Variants in MNS1 observed in about 807,000 individuals in gnomAD.
The protein encoded by MNS1 is meiosis specific nuclear structural 1.
A neutral mutation model predicts 72.0 loss-of-function variants in MNS1; 63 were observed. That is an observed-to-expected ratio of 0.87 (90% confidence interval 0.71 to 1.08). The LOEUF is 1.08. Ranked by LOEUF, MNS1 falls within the 50% of genes least tolerant of loss-of-function variation. The pLI is 0.00. For missense variants in MNS1, 604 were observed against 562.4 expected, an observed-to-expected ratio of 1.07 and a Z score of -0.75; for synonymous variants, 188 against 172.1, an observed-to-expected ratio of 1.09 and a Z score of -0.72.
chr15:56,431,347 T>G (rs2050589960), intron 9 of MNS1, 26 bp downstream of exon 9: 3 of 1,607,118 alleles, frequency 1.9e-6, no homozygotes, highest in Non-Finnish European at 1.7e-6. Flanking sequence ...TCATGAAGAT[T>G]ACAACTTGAG....
Position 56,460,009 on chromosome 15 carries a change from A to AAAAAAAAAAAAAAAT in MNS1, c.226-3489_226-3488insATTTTTTTTTTTTTT. Among the ~76,000 whole-genome samples, 49 of 26,384 alleles carry AAAAAAAAAAAAAAAT rather than the reference A, an allele frequency of 1.9e-3. 14 individuals carry two copies. The highest frequency in any genetic ancestry group is 6.5e-3 in the African/African-American group (43 of 6,650). The allele number at this position is 26,384 out of a possible 152,430, so 17.3% of individuals were successfully genotyped here. On this transcript the variant is annotated intron_variant, in intron 2 of 9. Transcript: ENST00000260453. ...CTGTCTCAAAAAAAAAAAAAAAAAA[A>AAAAAAAAAAAAAAAT]ATACATATATATATATATATATATA... is the stretch of plus-strand genomic sequence containing the variant.
chr15:56,464,462 A>C (rs2051045326), intron 1 of MNS1, among the ~76,000 whole-genome samples: 1 of 152,206 alleles, frequency 6.6e-6, no homozygotes, highest in Non-Finnish European at 1.5e-5. Flanking sequence ...TAGATGAAAC[A>C]TGAAAAGTAA....
At chr15:56,463,919 T>TA in intron 2 of MNS1, 107 bp downstream of exon 2, 1 of 891,666 alleles carries the variant, frequency 1.1e-6, no homozygotes, top group Non-Finnish European at 1.7e-6. Context: ...AGGCATCACT[T>TA]ACCTGCTGCT....
chr15:56,451,962 T>C (rs1184359726), intron 3 of MNS1, among the ~76,000 whole-genome samples: 1 of 152,192 alleles, frequency 6.6e-6, no homozygotes, highest in African/African-American at 2.4e-5. Context: ...TGAAAATCTG[T>C]TGATATTTTT....
chr15:56,450,451 A>G (rs756435116), intron 3 of MNS1, among the ~76,000 whole-genome samples: 1 of 152,128 alleles, frequency 6.6e-6, no homozygotes, highest in Admixed American at 6.5e-5. Context: ...GGAATTCCTA[A>G]TCTGCATTTT....
chr15:56,450,744 A>G (rs10438330), intron 3 of MNS1, among the ~76,000 whole-genome samples: 3,010 of 152,158 alleles, frequency 0.02, 44 homozygotes, highest in Non-Finnish European at 0.03. Context: ...AAGTCTCACT[A>G]TTGAATTTTT....
At position 56,464,192 on chromosome 15, in the gene MNS1, T is replaced by C; in HGVS notation, c.59A>G (p.Glu20Gly). 1.2e-6 allele frequency: 2 copies of C among 1,614,076 alleles called. No individual in the cohort carries two copies. The highest frequency in any genetic ancestry group is 1.7e-6 in the Non-Finnish European group (2 of 1,180,010). ...GACATGTAATTTTTTGCAGTAGTTT[T>C]CATCTACTAATTTCTGATGCCTTTC... ...CSERHQKLVDENYCKKLHVQA... is the reference protein window; with the variant it reads ...CSERHQKLVDGNYCKKLHVQA... The change falls in exon 2 of 10, where the codon GAA (glutamate) becomes GGA (glycine). Residue 20 changes from glutamate to glycine, a missense_variant. Transcript: ENST00000260453.
intron 3 of MNS1, among the ~76,000 whole-genome samples, chr15:56,452,666 G>A (rs1441630313): frequency 6.6e-6 from 1 of 151,818 alleles, no homozygotes; most frequent in Non-Finnish European, 1.5e-5. Context: ...CTACAGGCGT[G>A]TGCCACCAGG....
chr15:56,434,465 A>G, intron 7 of MNS1, 70 bp from the exon 8 acceptor site: 11 of 1,459,004 alleles, frequency 7.5e-6, no homozygotes, highest in Non-Finnish European at 1.0e-5. Context: ...AAAGAGTGAT[A>G]GAGTTTGGTT....
At chr15:56,463,144 C>T (rs546485499) in intron 2 of MNS1, among the ~76,000 whole-genome samples, 8 of 152,180 alleles carry the variant, frequency 5.3e-5, no homozygotes, top group African/African-American at 1.7e-4. Context: ...TATCATGTCT[C>T]AATTCTTATT....
intron 7 of MNS1, among the ~76,000 whole-genome samples, chr15:56,435,584 A>C (rs1596255217): frequency 6.6e-6 from 1 of 152,056 alleles, no homozygotes; most frequent in Admixed American, 6.6e-5. Flanking sequence ...GAAATGGATC[A>C]CTTCCTTGAG....
At chr15:56,461,685 A>C (rs2051022359) in intron 2 of MNS1, among the ~76,000 whole-genome samples, 2 of 147,570 alleles carry the variant, frequency 1.4e-5, no homozygotes, top group African/African-American at 5.0e-5. Context: ...AAAAAAAACG[A>C]CACAGAGGCA....
At chr15:56,446,451 G>A (rs1435816997) in intron 4 of MNS1, among the ~76,000 whole-genome samples, 1 of 151,722 alleles carries the variant, frequency 6.6e-6, no homozygotes, top group Non-Finnish European at 1.5e-5. Flanking sequence ...TTATAAAACT[G>A]GAAAGTTTCC....
At position 56,441,173 on chromosome 15, in the gene MNS1, T is replaced by C. The variant is rs139424751; in HGVS notation, c.1011+2257A>G. Among the ~76,000 whole-genome samples the C allele has an allele frequency of 2.9e-3, 437 of 152,286 alleles. 1 individual carries two copies. The highest frequency in any genetic ancestry group is 5.3e-3 in the Non-Finnish European group (359 of 68,008). On this transcript the variant is annotated intron_variant, in intron 7 of 9. Coordinates refer to ENST00000260453, the MANE Select transcript of MNS1 (RefSeq NM_018365.4). ...GCTTATTTAGAAATATATTGTTTAA[T>C]TATAATATATTTAAGGAGTCTGCAG...
At chr15:56,461,867 A>AC (rs1264339624) in intron 2 of MNS1, among the ~76,000 whole-genome samples, 4 of 151,922 alleles carry the variant, frequency 2.6e-5, no homozygotes, top group Non-Finnish European at 5.9e-5. Flanking sequence ...ATAGGTAGAC[A>AC]CCAATGGAAG....
chr15:56,433,499 A>T (rs1442310417), intron 8 of MNS1, among the ~76,000 whole-genome samples: 2 of 152,048 alleles, frequency 1.3e-5, no homozygotes, highest in Non-Finnish European at 1.5e-5. Context: ...CTCACCCTAG[A>T]TCTCACTGGT....
rs370546587 is a variant in MNS1 at position 56,454,437 on chromosome 15, A to C, written c.353+1957T>G. ...TCACCCTGCTGTGCTATGAAATACT[A>C]GGTCCTACTCATTCATTCTATTTTT... On this transcript the variant is annotated intron_variant, in intron 3 of 9. Transcript: ENST00000260453. Among the ~76,000 whole-genome samples the C allele has an allele frequency of 6.6e-5, 10 of 152,290 alleles. No individual in the cohort carries two copies. The East Asian group carries it at 1.7e-3, about 26-fold the overall frequency.
In MNS1 at chr15:56,465,013, C is replaced by A; in HGVS notation, c.-41G>T. On this transcript the variant is annotated 5_prime_UTR_variant, in exon 1 of 10. Transcript: ENST00000260453. ...ATACCCCCTCTCGTGGGACCGCGGC[C>A]ACCACCTCCCGCCGCAAACGCAGCA... 1.3e-6 allele frequency: 2 copies of A among 1,594,662 alleles called. No homozygotes were observed. Among genetic ancestry groups the A allele is most frequent in the East Asian group, 2.3e-5 (1 of 43,940 alleles).
At chr15:56,436,555 C>G (rs1268230422) in intron 7 of MNS1, among the ~76,000 whole-genome samples, 7 of 151,776 alleles carry the variant, frequency 4.6e-5, no homozygotes, top group South Asian at 2.1e-4. Context: ...AACTAGAGAA[C>G]CAAGAGCAAA....
Sources: allele counts gnomAD v4.1 joint callset (sites outside exome capture counted in the v4.1 genomes callset), GRCh38; gene constraint gnomAD v4.1.1; transcripts MANE v1.5; gene names NCBI Gene and HGNC (gene_info 2026-07-23, HGNC 2026-07-21).